The following UBR2 variants were observed in gnomAD, a reference collection of about 807,000 sequenced individuals.
The protein encoded by UBR2 is E3 ubiquitin-protein ligase UBR2.
In UBR2, 92 loss-of-function variants were observed where a neutral mutation model predicts 247.9. The observed-to-expected ratio is 0.37, with a 90% confidence interval of 0.31 to 0.44. UBR2 has a LOEUF of 0.44. Among genes scored for constraint, UBR2 ranks in the 20% least tolerant of loss-of-function variants. The pLI is 1.00. For missense variants in UBR2, 1,613 were observed against 2,112.6 expected (o/e 0.76, Z 4.64); for synonymous variants, 672 against 693.5 (o/e 0.97, Z 0.49).
At chr6:42,603,180 A>G (rs1793496271) in intron 4 of UBR2, among the ~76,000 whole-genome samples, 1 of 152,176 alleles carries the variant, frequency 6.6e-6, no homozygotes, top group Non-Finnish European at 1.5e-5. Context: ...GCTCTCTTTT[A>G]TACCTATAAA....
chr6:42,572,215 T>C (rs935511370), intron 1 of UBR2, among the ~76,000 whole-genome samples: 1 of 152,006 alleles, frequency 6.6e-6, no homozygotes, highest in Non-Finnish European at 1.5e-5. Context: ...GAAAACTCTT[T>C]CACCGTTTTT....
In UBR2 at chr6:42,670,208, G is replaced by A; in HGVS notation, c.3998G>A (p.Trp1333Ter). 3 of 1,614,126 alleles carry A rather than the reference G, an allele frequency of 1.9e-6. No homozygotes were observed. The highest frequency in any genetic ancestry group is 2.5e-6 in the Non-Finnish European group (3 of 1,180,004). ...EEDPRVPIMC[W>*]GSCAYTIQSI... ...GATCCTCGTGTTCCCATAATGTGTT[G>A]GGGTAGCTGCGCGTACACCATCCAA... Residue 1333 changes from tryptophan (W) to a stop codon, truncating the protein, a stop_gained, in exon 35 of 47, where the codon TGG (tryptophan) becomes TAG (stop). Coordinates refer to ENST00000372901, the MANE Select transcript of UBR2 (RefSeq NM_001363705.2). LOFTEE classifies it high-confidence loss of function.
chr6:42,686,303 A>G (rs1169675568), intron 44 of UBR2, among the ~76,000 whole-genome samples: 16 of 151,942 alleles, frequency 1.1e-4, no homozygotes, highest in Admixed American at 5.9e-4. Flanking sequence ...GCTGCCTTCA[A>G]GCATCTGTTT....
chr6:42,646,681 C>CAACAT (rs1420361621), intron 21 of UBR2, among the ~76,000 whole-genome samples: 1 of 152,028 alleles, frequency 6.6e-6, no homozygotes, highest in Non-Finnish European at 1.5e-5. Flanking sequence ...CAACCCCCTA[C>CAACAT]AACATATCTG....
chr6:42,659,946 A>G lies in UBR2; in HGVS notation c.3442+91A>G. On this transcript the variant is annotated intron_variant, in intron 30 of 46. Coordinates refer to ENST00000372901, the MANE Select transcript of UBR2 (RefSeq NM_001363705.2). This position sits in a 1 kb window ranked among gnomAD's most constrained non-coding sequence, Gnocchi z 4.3. ...ACGTTGAGATTTTTTAAACCTAAAA[A>G]TAACTCCATGGACTTGGATGGTATC... 1 of 1,280,566 alleles carries G rather than the reference A, an allele frequency of 7.8e-7. No individual in the cohort carries two copies. 79.3% of individuals were successfully genotyped at this position (1,280,566 alleles called of 1,614,324 possible). A position where few individuals can be genotyped will look rare whatever the true frequency, so the allele number is the denominator to read the frequency against.
rs563062371 is a variant in UBR2, at chr6:42,566,687, C to G, written c.78+2290C>G. Among the ~76,000 whole-genome samples, 6 of 152,094 alleles carry G rather than the reference C, an allele frequency of 3.9e-5. No homozygotes were observed. The South Asian group carries it at 1.2e-3, about 32-fold the overall frequency. ...ACAGGCGTGAGCCACCGCACACAGC[C>G]TACCCTGTTTACTTTTAAATGCCTT... On this transcript the variant is annotated intron_variant, in intron 1 of 46. Transcript: ENST00000372901.
intron 20 of UBR2, 64 bp from the exon 21 acceptor site, chr6:42,645,402 A>G (rs1489715720): frequency 2.7e-5 from 38 of 1,413,594 alleles, no homozygotes; most frequent in Non-Finnish European, 6.0e-6. Flanking sequence ...AATTATAAGT[A>G]TATATCACGA....
chr6:42,663,200 G>A, intron 31 of UBR2, 58 bp from the exon 32 acceptor site: 1 of 1,352,276 alleles, frequency 7.4e-7, no homozygotes, highest in South Asian at 1.8e-5. Flanking sequence ...TGAAGCTTAT[G>A]GCTGTCATTT....
intron 15 of UBR2, among the ~76,000 whole-genome samples, chr6:42,639,740 A>T (rs868472013): frequency 3.9e-5 from 6 of 152,356 alleles, no homozygotes; most frequent in Middle Eastern, 6.8e-3. Flanking sequence ...TACAACTCTT[A>T]AAGCTGGCAT....
At position 42,665,417 on chromosome 6, in the gene UBR2, A is replaced by G. The variant is rs746811091; in HGVS notation, c.3707A>G (p.Asn1236Ser). The change falls in exon 33 of 47, where the codon AAT (asparagine) becomes AGT (serine). Residue 1236 changes from asparagine to serine, a missense_variant. Physicochemically the swap from Asn to Ser is conservative, Grantham distance 46. Transcript: ENST00000372901. The stretch of plus-strand genomic sequence containing the variant: ...TCTATAATCTTTTCTAGCAGGTTAA[A>G]TTTTTCAGACCAACCAAATCTGACT... ...PPRNIFNNRL[N>S]FSDQPNLTQW... The G allele has an allele frequency of 6.8e-6, 11 of 1,611,356 alleles. 2 individuals carry two copies. The highest frequency in any genetic ancestry group is 1.7e-4 in the Middle Eastern group (1 of 6,040).
In UBR2 at chr6:42,641,505, G is replaced by T. The variant is rs368198009; in HGVS notation, c.1921-77G>T. 9.4e-6 allele frequency: 10 copies of T among 1,060,134 alleles called. No homozygotes were observed. In the African/African-American group the frequency reaches 1.2e-4, roughly 12 times the overall value. 65.7% of individuals were successfully genotyped at this position (1,060,134 alleles called of 1,614,324 possible). On this transcript the variant is annotated intron_variant, in intron 16 of 46. Coordinates refer to ENST00000372901, the MANE Select transcript of UBR2 (RefSeq NM_001363705.2). ...TTTTATAAAAGCATTTATCTCTATC[G>T]ACCAAACTTCTTTTTAGAACTGATT...
intron 26 of UBR2, among the ~76,000 whole-genome samples, chr6:42,655,986 T>A (rs571767445): frequency 1.4e-4 from 21 of 152,154 alleles, no homozygotes; most frequent in African/African-American, 5.1e-4. Context: ...AAAAAAAAAT[T>A]ATAGGGGATT....
At chr6:42,650,462 C>T (rs1797049129) in intron 23 of UBR2, 76 bp downstream of exon 23, 2 of 1,283,482 alleles carry the variant, frequency 1.6e-6, no homozygotes, top group Non-Finnish European at 2.2e-6. Context: ...CACCATGTTG[C>T]CCAGGCTAGA....
At chr6:42,569,309 C>G (rs1790970533) in intron 1 of UBR2, among the ~76,000 whole-genome samples, 1 of 152,160 alleles carries the variant, frequency 6.6e-6, no homozygotes. Flanking sequence ...TTCTCCAGAT[C>G]CTTGCCAACA....
intron 5 of UBR2, among the ~76,000 whole-genome samples, 174 bp from the exon 6 acceptor site, chr6:42,605,547 A>G (rs7745976): frequency 0.75 from 114,588 of 152,126 alleles, 43,562 homozygotes; most frequent in African/African-American, 0.85. Context: ...TATGCAATAT[A>G]TATTTTCCCC....
Position 42,642,542 on chromosome 6 carries a change from C to T in UBR2, c.2097+61C>T, listed in dbSNP as rs139304805. ...GGGAATCTTTGCTTCTTGTTATTTC[C>T]ATAGAATTCAGTCACTTGTGATCAC... On this transcript the variant is annotated intron_variant, in intron 18 of 46. Transcript: ENST00000372901. 937 of 1,403,580 alleles carry T rather than the reference C, an allele frequency of 6.7e-4. 12 individuals are homozygous for T. The East Asian group carries it at 0.013, about 20-fold the overall frequency. 86.9% of individuals were successfully genotyped at this position (1,403,580 alleles called of 1,614,324 possible).
rs115511249 is a variant in UBR2 at position 42,689,270 on chromosome 6, C to T, written c.5025-299C>T. Reference sequence around the variant, plus strand: ...TCTGGAGCATAGGTTGTATCCATAGCTTAGTCATCCCCCCAGTACCTTGAT... The same window carrying T: ...TCTGGAGCATAGGTTGTATCCATAGTTTAGTCATCCCCCCAGTACCTTGAT... On this transcript the variant is annotated intron_variant, in intron 45 of 46. Coordinates refer to ENST00000372901, the MANE Select transcript of UBR2 (RefSeq NM_001363705.2). This position sits in a 1 kb window ranked among gnomAD's most constrained non-coding sequence, Gnocchi z 4.0. 0.023 allele frequency among the ~76,000 whole-genome samples: 3,505 copies of T among 152,266 alleles called. 53 individuals are homozygous for T. The highest frequency in any genetic ancestry group is 0.059 in the South Asian group (283 of 4,826).
Position 42,658,532 on chromosome 6 carries a change from AGT to A in UBR2, c.3064-112_3064-111del, listed in dbSNP as rs1056546853. The A allele has an allele frequency of 1.3e-5, 15 of 1,194,512 alleles. No individual in the cohort carries two copies. In the African/African-American group the frequency reaches 2.0e-4, roughly 16 times the overall value. The allele number at this position is 1,194,512 out of a possible 1,614,324, so 74.0% of individuals were successfully genotyped here. A position where few individuals can be genotyped will look rare whatever the true frequency, so the allele number is the denominator to read the frequency against. On this transcript the variant is annotated intron_variant, in intron 28 of 46. Coordinates refer to ENST00000372901, the MANE Select transcript of UBR2 (RefSeq NM_001363705.2). ...AAGAGTCTTTTCTCTTATTTAAATA[AGT>A]GAGATTATAGAATAGTTTTTTAATT...
At chr6:42,649,261 G>A (rs981647365) in intron 22 of UBR2, among the ~76,000 whole-genome samples, 4 of 152,066 alleles carry the variant, frequency 2.6e-5, no homozygotes, top group Admixed American at 6.6e-5. Flanking sequence ...AGCCCGCCTC[G>A]GCCTCTCAAA....
Sources: allele counts gnomAD v4.1 joint callset (sites outside exome capture counted in the v4.1 genomes callset), GRCh38; gene constraint gnomAD v4.1.1; non-coding constraint Gnocchi (gnomAD v3.1); transcripts MANE v1.5; gene names NCBI Gene and HGNC (gene_info 2026-07-23, HGNC 2026-07-21).